PDE11A: variants seen among roughly 807,000 people sequenced by gnomAD.
The protein encoded by PDE11A is phosphodiesterase 11A.
PDE11A carries 100 observed loss-of-function variants against 100.5 expected under a neutral mutation model. The ratio of observed to expected loss-of-function variants is 1.00; its 90% CI spans 0.85 to 1.18. The LOEUF (loss-of-function observed/expected upper bound fraction) is 1.18, where lower values mean the gene tolerates loss of function less well. PDE11A is among the 50% of genes most tolerant of loss of function. PDE11A has a pLI of 0.00. For synonymous variants in PDE11A, 381 were observed against 420.8 expected (o/e 0.91, Z 1.16); for missense variants, 1,141 against 1,152.6 (o/e 0.99, Z 0.15).
At chr2:177,859,567 A>G (rs1420788136) in intron 5 of PDE11A, among the ~76,000 whole-genome samples, 6 of 151,986 alleles carry the variant, frequency 3.9e-5, no homozygotes, top group Admixed American at 3.9e-4. Flanking sequence ...GAGCAACTAG[A>G]CAGAAGATTA....
intron 1 of PDE11A, chr2:178,105,552 A>G (rs890400083): frequency 3.2e-6 from 1 of 315,128 alleles, no homozygotes; most frequent in Non-Finnish European, 5.9e-6. Context: ...ACTGTTAAAA[A>G]TTCTATAACT....
intron 2 of PDE11A, among the ~76,000 whole-genome samples, chr2:177,911,116 C>T (rs2084875284): frequency 6.6e-6 from 1 of 152,328 alleles, no homozygotes; most frequent in Non-Finnish European, 1.5e-5. Flanking sequence ...CAGGCAGTAA[C>T]TATATGATAA....
At chr2:177,790,840 C>T (rs947935466) in intron 9 of PDE11A, among the ~76,000 whole-genome samples, 1 of 152,136 alleles carries the variant, frequency 6.6e-6, no homozygotes, top group African/African-American at 2.4e-5. Flanking sequence ...CAATGAGATA[C>T]CATCTCACAT....
chr2:178,020,702 T>C (rs1019805400), intron 1 of PDE11A, among the ~76,000 whole-genome samples: 18 of 151,678 alleles, frequency 1.2e-4, no homozygotes, highest in Non-Finnish European at 2.4e-4. Flanking sequence ...GCAGGCTGAG[T>C]CAGGAAAATC....
At chr2:177,732,003 T>C (rs2081699222) in intron 10 of PDE11A, among the ~76,000 whole-genome samples, 1 of 152,240 alleles carries the variant, frequency 6.6e-6, no homozygotes. Flanking sequence ...GTGTAGTTAA[T>C]CTATCATCTT....
intron 14 of PDE11A, among the ~76,000 whole-genome samples, chr2:177,699,763 C>A (rs1165725370): frequency 6.6e-6 from 1 of 152,188 alleles, no homozygotes; most frequent in Non-Finnish European, 1.5e-5. Flanking sequence ...TGGGCAGGAC[C>A]ACAGGGGACT....
intron 15 of PDE11A, among the ~76,000 whole-genome samples, chr2:177,685,687 C>G (rs948118360): frequency 1.3e-5 from 2 of 152,112 alleles, no homozygotes; most frequent in African/African-American, 4.8e-5. Context: ...TCTGCCTCAG[C>G]CTCCCAAGTA....
At chr2:177,918,317 A>G (rs1296454429) in intron 2 of PDE11A, among the ~76,000 whole-genome samples, 1 of 152,196 alleles carries the variant, frequency 6.6e-6, no homozygotes, top group East Asian at 1.9e-4. Context: ...CTTTCCACCC[A>G]TATTCAGTCT....
chr2:177,889,908 C>T (rs2084502719), intron 4 of PDE11A, among the ~76,000 whole-genome samples: 1 of 152,016 alleles, frequency 6.6e-6, no homozygotes, highest in Non-Finnish European at 1.5e-5. Flanking sequence ...GTTTTCACAT[C>T]CCTTCCTACT....
chr2:177,956,709 A>T (rs866326694), intron 2 of PDE11A, among the ~76,000 whole-genome samples: 2 of 152,386 alleles, frequency 1.3e-5, no homozygotes, highest in Middle Eastern at 3.4e-3. Context: ...GCACATATAC[A>T]TCATGGAATA....
intron 2 of PDE11A, among the ~76,000 whole-genome samples, chr2:177,911,380 C>T (rs1044481262): frequency 1.3e-5 from 2 of 152,134 alleles, no homozygotes; most frequent in Non-Finnish European, 2.9e-5. Context: ...AGAGGTATAG[C>T]TTCATTCACT....
intron 1 of PDE11A, among the ~76,000 whole-genome samples, chr2:178,043,613 T>A (rs995416217): frequency 2.6e-5 from 4 of 152,110 alleles, no homozygotes; most frequent in Admixed American, 2.0e-4. Flanking sequence ...ATTGAGGCAA[T>A]TATAAGACTT....
Position 177,718,471 on chromosome 2 carries a change from C to T in PDE11A, c.2044-6593G>A, listed in dbSNP as rs533519957. Among the ~76,000 whole-genome samples the T allele has an allele frequency of 3.2e-4, 48 of 152,146 alleles. 1 individual carries two copies. The South Asian group carries it at 8.5e-3, about 27-fold the overall frequency. On this transcript the variant is annotated intron_variant, in intron 12 of 19. Coordinates refer to ENST00000286063, the MANE Select transcript of PDE11A (RefSeq NM_016953.4). Reference sequence around the variant, plus strand: ...GGTGTGTGCTTTATTTCACGAAGGACGTTATTCTTGAGTAGGAAGAGATTG... The same window carrying T: ...GGTGTGTGCTTTATTTCACGAAGGATGTTATTCTTGAGTAGGAAGAGATTG...
At chr2:178,087,035 G>A (rs2087366169) in intron 2 of PDE11A, among the ~76,000 whole-genome samples, 1 of 152,148 alleles carries the variant, frequency 6.6e-6, no homozygotes. Context: ...ACCAATGGAT[G>A]GCTGGATAAA....
chr2:177,922,301 T>A (rs2085062825), intron 2 of PDE11A, among the ~76,000 whole-genome samples: 1 of 152,112 alleles, frequency 6.6e-6, no homozygotes, highest in Admixed American at 6.6e-5. Context: ...CCTCAAATAC[T>A]TTATGTCCAA....
chr2:178,022,480 G>A (rs1401346274), intron 1 of PDE11A, among the ~76,000 whole-genome samples: 1 of 14,050 alleles, frequency 7.1e-5, no homozygotes, highest in East Asian at 0.071. Context: ...AGACATAGAC[G>A]ATTTTTTTTT....
rs750645336 is a variant in PDE11A, at chr2:178,072,054, G to C, written c.384C>G (p.Ser128=). 1 of 1,613,898 alleles carries C rather than the reference G, an allele frequency of 6.2e-7. No individual in the cohort carries two copies. The highest frequency in any genetic ancestry group is 1.3e-5 in the African/African-American group (1 of 75,048). The change falls in exon 1 of 20, where the codon TCC becomes TCG. Residue 128 remains serine (S), a synonymous_variant. Coordinates refer to ENST00000286063, the MANE Select transcript of PDE11A (RefSeq NM_016953.4). The stretch of plus-strand genomic sequence containing the variant: ...AGGTCCTGTTCACGTGGATGGCCTT[G>C]GAGCGGGCAAAACTCTTCCTTAGCT... ...QKELRKSFAR[S]KAIHVNRTYD...
chr2:177,801,108 T>C (rs1385295499), intron 9 of PDE11A, among the ~76,000 whole-genome samples: 2 of 152,194 alleles, frequency 1.3e-5, no homozygotes, highest in Non-Finnish European at 1.5e-5. Context: ...ATAGGCAAAA[T>C]ATGTTTGAAT....
intron 2 of PDE11A, among the ~76,000 whole-genome samples, chr2:178,103,277 A>C (rs1001566716): frequency 6.6e-6 from 1 of 152,192 alleles, no homozygotes; most frequent in African/African-American, 2.4e-5. Flanking sequence ...ACAAAGGGTC[A>C]CATATTATAT....
Sources: gnomAD v4.1 joint callset for allele counts (sites outside exome capture counted in the v4.1 genomes callset) on GRCh38, gnomAD v4.1.1 for gene constraint, MANE v1.5 for transcripts, NCBI Gene and HGNC (gene_info 2026-07-23, HGNC 2026-07-21) for gene names.